The following DHRSX variants were observed in gnomAD, a reference collection of about 807,000 sequenced individuals.
DHRSX encodes the protein dehydrogenase/reductase X-linked, also known as polyprenol dehydrogenase.
In DHRSX, 31 loss-of-function variants were observed where a neutral mutation model predicts 34.0. The observed-to-expected ratio is 0.91, with a 90% CI of 0.69 to 1.23. DHRSX has a LOEUF of 1.23. Ranked by LOEUF, DHRSX falls within the 50% of genes most tolerant of loss-of-function variation. DHRSX has a pLI of 0.00. For synonymous variants in DHRSX, 201 were observed against 183.8 expected (o/e 1.09, Z -0.76); for missense variants, 414 against 428.1 (o/e 0.97, Z 0.29).
chrX:2,466,220 C>A (rs28485968), intron 1 of DHRSX, among the ~76,000 whole-genome samples: 27,766 of 152,168 alleles, frequency 0.18, 3,391 homozygotes, highest in African/African-American at 0.35. Flanking sequence ...AGGCAGATTA[C>A]CTGAGGTCGG....
chrX:2,384,111 GA>G (rs1431541465), intron 3 of DHRSX, among the ~76,000 whole-genome samples: 1 of 152,146 alleles, frequency 6.6e-6, no homozygotes, highest in African/African-American at 2.4e-5. Context: ...GAGTGATACC[GA>G]AAATGACGGA....
At chrX:2,405,038 C>T in intron 3 of DHRSX, among the ~76,000 whole-genome samples, 1 of 152,172 alleles carries the variant, frequency 6.6e-6, no homozygotes, top group East Asian at 1.9e-4. Flanking sequence ...TCACAGGGAT[C>T]CTGCAATGCC....
chrX:2,460,473 A>C (rs1339064070), intron 1 of DHRSX, among the ~76,000 whole-genome samples: 1 of 152,120 alleles, frequency 6.6e-6, no homozygotes, highest in Admixed American at 6.5e-5. Context: ...CCTGGAGTGC[A>C]GTGGCATGAT....
At chrX:2,495,760 T>A (rs2045268265) in intron 1 of DHRSX, among the ~76,000 whole-genome samples, 1 of 150,028 alleles carries the variant, frequency 6.7e-6, no homozygotes, top group Admixed American at 6.6e-5. Flanking sequence ...TGGTGCAGCA[T>A]CCCCAGTGCG....
intron 3 of DHRSX, among the ~76,000 whole-genome samples, chrX:2,388,500 T>C (rs1279858439): frequency 6.7e-6 from 1 of 150,366 alleles, no homozygotes; most frequent in African/African-American, 2.5e-5. Flanking sequence ...TGACTCCAAG[T>C]CCAGCAGAGA....
At chrX:2,274,191 C>T (rs1569482772) in intron 4 of DHRSX, among the ~76,000 whole-genome samples, 1 of 151,648 alleles carries the variant, frequency 6.6e-6, no homozygotes, top group Non-Finnish European at 1.5e-5. Context: ...GCACCTGCCC[C>T]GATGGCCAGC....
rs116439405 is a variant in DHRSX at position 2,485,715 on chromosome X, G to A, written c.109+15102C>T. On this transcript the variant is annotated intron_variant, in intron 1 of 6. Coordinates refer to ENST00000334651, the MANE Select transcript of DHRSX (RefSeq NM_145177.3). ...CAGAGAGGGAGGGGAGGGAGGGAAC[G>A]GAGAGAAGGAAGGGAGAAAAGGGAG... Among the ~76,000 whole-genome samples the A allele has an allele frequency of 3.4e-3, 294 of 85,244 alleles. 9 individuals carry two copies. Among genetic ancestry groups the A allele is most frequent in the African/African-American group, 0.021 (257 of 12,502 alleles). 55.9% of individuals were successfully genotyped at this position (85,244 alleles called of 152,430 possible).
chrX:2,249,388 C>T (rs1398282649), intron 5 of DHRSX, among the ~76,000 whole-genome samples: 12 of 143,996 alleles, frequency 8.3e-5, no homozygotes, highest in African/African-American at 2.4e-4. Context: ...TTAGTAGAGA[C>T]GGGGTTTCAC....
At chrX:2,228,582 C>A (rs777611659) in intron 6 of DHRSX, among the ~76,000 whole-genome samples, 1 of 151,188 alleles carries the variant, frequency 6.6e-6, no homozygotes, top group Admixed American at 6.6e-5. Flanking sequence ...GAATTTATTC[C>A]TCAGAGCCTT....
At chrX:2,454,544 A>G (rs2044270132) in intron 1 of DHRSX, among the ~76,000 whole-genome samples, 1 of 151,240 alleles carries the variant, frequency 6.6e-6, no homozygotes, top group Non-Finnish European at 1.5e-5. Flanking sequence ...AAAAAAAGAC[A>G]TATTCATGTT....
intron 3 of DHRSX, among the ~76,000 whole-genome samples, chrX:2,397,223 G>C (rs2043423272): frequency 6.6e-6 from 1 of 151,696 alleles, no homozygotes; most frequent in Non-Finnish European, 1.5e-5. Context: ...TGGTCTTGAA[G>C]TCCTGGGCTC....
chrX:2,422,992 A>G (rs2043799477), intron 2 of DHRSX, among the ~76,000 whole-genome samples: 1 of 151,096 alleles, frequency 6.6e-6, no homozygotes, highest in South Asian at 2.1e-4. Flanking sequence ...TAGGACAGTC[A>G]GGGCTTCACC....
intron 3 of DHRSX, among the ~76,000 whole-genome samples, chrX:2,310,802 T>C (rs1319250136): frequency 1.3e-5 from 2 of 151,642 alleles, no homozygotes; most frequent in Admixed American, 1.3e-4. Context: ...GGCTCACACC[T>C]GTAATCCCAA....
chrX:2,372,255 C>G (rs149384484), intron 3 of DHRSX, among the ~76,000 whole-genome samples: 1 of 152,120 alleles, frequency 6.6e-6, no homozygotes, highest in African/African-American at 2.4e-5. Flanking sequence ...GTTGGGAAAT[C>G]CATGCTTCTA....
At chrX:2,289,615 C>A (rs1415157014) in intron 4 of DHRSX, among the ~76,000 whole-genome samples, 1 of 152,188 alleles carries the variant, frequency 6.6e-6, no homozygotes, top group African/African-American at 2.4e-5. Flanking sequence ...AAGGGTGTTA[C>A]ACAGAACGAG....
intron 6 of DHRSX, among the ~76,000 whole-genome samples, chrX:2,230,624 C>G (rs770415818): frequency 1.3e-5 from 2 of 152,136 alleles, no homozygotes; most frequent in African/African-American, 2.4e-5. Flanking sequence ...AAGGAGAGGA[C>G]GCTTCACAAT....
At chrX:2,245,855 C>T (rs958099864) in intron 5 of DHRSX, among the ~76,000 whole-genome samples, 9 of 149,588 alleles carry the variant, frequency 6.0e-5, no homozygotes, top group Admixed American at 3.4e-4. Flanking sequence ...CCAGCTACTC[C>T]GGAGGCTGAG....
chrX:2,262,372 G>A (rs759803435), intron 5 of DHRSX, among the ~76,000 whole-genome samples: 1 of 152,178 alleles, frequency 6.6e-6, no homozygotes, highest in East Asian at 1.9e-4. Flanking sequence ...ACTCACCTGT[G>A]CACACGAGCA....
At chrX:2,489,346 G>A (rs376768668) in intron 1 of DHRSX, 3 of 1,613,548 alleles carry the variant, frequency 1.9e-6, no homozygotes, top group African/African-American at 1.3e-5. Context: ...TCTCCTGGTA[G>A]GTCTTGGAAA....
Sources: allele counts gnomAD v4.1 joint callset (sites outside exome capture counted in the v4.1 genomes callset), GRCh38; gene constraint gnomAD v4.1.1; transcripts MANE v1.5; gene names NCBI Gene and HGNC (gene_info 2026-07-23, HGNC 2026-07-21).